The following MLLT10 variants were observed in gnomAD, a reference collection of about 807,000 sequenced individuals.
MLLT10 encodes protein AF-10.
In MLLT10, 30 loss-of-function variants were observed where a neutral mutation model predicts 129.1. That is an observed-to-expected ratio of 0.23 (90% CI 0.17 to 0.32). MLLT10 has a LOEUF of 0.32. Among genes scored for constraint, MLLT10 ranks in the 10% least tolerant of loss-of-function variants. The pLI is 1.00. For missense variants in MLLT10, 1,119 were observed against 1,268.3 expected (o/e 0.88, Z 1.79); for synonymous variants, 490 against 446.4 (o/e 1.10, Z -1.23).
At position 21,742,191 on chromosome 10, in the gene MLLT10, C is replaced by T; in HGVS notation, c.*208C>T. 2 of 440,140 alleles carry T rather than the reference C, an allele frequency of 4.5e-6. No homozygotes were observed. Among genetic ancestry groups the T allele is most frequent in the African/African-American group, 2.0e-5 (1 of 49,732 alleles). 27.3% of individuals were successfully genotyped at this position (440,140 alleles called of 1,614,324 possible). ...CTGAAATGGAATTCCCATGCCCCTA[C>T]CCCTTACCCCAGTTTTTTGAACATG... is the stretch of plus-strand genomic sequence containing the variant. On this transcript the variant is annotated 3_prime_UTR_variant, in exon 23 of 23. Transcript: ENST00000307729.
At chr10:21,592,354 C>T (rs1384490933) in intron 4 of MLLT10, among the ~76,000 whole-genome samples, 1 of 151,838 alleles carries the variant, frequency 6.6e-6, no homozygotes, top group Non-Finnish European at 1.5e-5. Context: ...AAAATGTTTT[C>T]TGGCTTTATT....
rs557883699 is a variant in MLLT10, at chr10:21,642,935, G to A, written c.700-8738G>A. 1.1e-4 allele frequency among the ~76,000 whole-genome samples: 16 copies of A among 152,292 alleles called. No individual in the cohort carries two copies. In the South Asian group the frequency reaches 2.9e-3, roughly 28 times the overall value. On this transcript the variant is annotated intron_variant, in intron 8 of 22. Transcript: ENST00000307729. Reference sequence around the variant, plus strand: ...GACTTATGTTTTGTTTTAATTACATGTGTCAGATTTTATATTGAGCTCCTA... The same window carrying A: ...GACTTATGTTTTGTTTTAATTACATATGTCAGATTTTATATTGAGCTCCTA...
At chr10:21,726,043 G>A (rs1241768910) in intron 14 of MLLT10, among the ~76,000 whole-genome samples, 2 of 152,006 alleles carry the variant, frequency 1.3e-5, no homozygotes, top group Admixed American at 6.6e-5. Context: ...GAGCCACCGC[G>A]CCCGGCCTAG....
At chr10:21,735,384 A>T (rs2058279210) in intron 21 of MLLT10, 149 bp downstream of exon 21, 1 of 649,730 alleles carries the variant, frequency 1.5e-6, no homozygotes, top group African/African-American at 1.8e-5. Context: ...AGGCTGTGAT[A>T]CCTGCAGTGA....
intron 11 of MLLT10, among the ~76,000 whole-genome samples, chr10:21,674,889 A>G (rs1425180981): frequency 6.6e-6 from 1 of 152,206 alleles, no homozygotes; most frequent in East Asian, 1.9e-4. Flanking sequence ...AATTTAATGA[A>G]GAATGTTCAT....
chr10:21,676,146 G>A (rs1030830490), intron 11 of MLLT10, among the ~76,000 whole-genome samples: 1 of 152,070 alleles, frequency 6.6e-6, no homozygotes, highest in South Asian at 2.1e-4. Flanking sequence ...TTACTCTGGG[G>A]CGGCCGCACA....
intron 8 of MLLT10, among the ~76,000 whole-genome samples, chr10:21,627,763 A>G: frequency 6.6e-6 from 1 of 152,194 alleles, no homozygotes; most frequent in South Asian, 2.1e-4. Context: ...GGAAATTTTT[A>G]AAACCAGCAA....
chr10:21,710,790 T>C (rs1480496579), intron 13 of MLLT10, among the ~76,000 whole-genome samples: 1 of 152,222 alleles, frequency 6.6e-6, no homozygotes, highest in East Asian at 1.9e-4. Context: ...TTACTTTATT[T>C]CTTTAAAGTT....
intron 3 of MLLT10, among the ~76,000 whole-genome samples, chr10:21,578,537 C>G (rs1406161886): frequency 6.6e-6 from 1 of 151,996 alleles, no homozygotes; most frequent in East Asian, 1.9e-4. Context: ...GTTGTTTAAC[C>G]GAGTCCTAAA....
At chr10:21,557,324 T>C (rs2038166052) in intron 3 of MLLT10, 1 of 369,744 alleles carries the variant, frequency 2.7e-6, no homozygotes, top group African/African-American at 2.2e-5. Flanking sequence ...CTTCAGTGAC[T>C]CTTAACATAA....
intron 3 of MLLT10, chr10:21,541,146 C>G (rs868808930): frequency 6.6e-6 from 1 of 151,934 alleles, no homozygotes; most frequent in Non-Finnish European, 1.5e-5. Flanking sequence ...GGCGACAGAG[C>G]GAGACTCGTC....
intron 8 of MLLT10, among the ~76,000 whole-genome samples, chr10:21,629,299 TTTTA>T (rs1318982632): frequency 1.3e-5 from 2 of 152,120 alleles, no homozygotes; most frequent in Non-Finnish European, 2.9e-5. Flanking sequence ...TTATTTGTCT[TTTTA>T]TTTGTTTTAT....
chr10:21,602,814 C>T (rs2043679042), intron 5 of MLLT10, among the ~76,000 whole-genome samples: 1 of 151,990 alleles, frequency 6.6e-6, no homozygotes, highest in Middle Eastern at 3.4e-3. Flanking sequence ...CTGCAAGCTC[C>T]ACCTCCCAGG....
chr10:21,735,116 T>G (rs769829889), intron 20 of MLLT10, 23 bp from the exon 21 acceptor site: 1 of 1,577,902 alleles, frequency 6.3e-7, no homozygotes, highest in Non-Finnish European at 8.7e-7. Flanking sequence ...TAGTAAAAAG[T>G]AAGAATTGTA....
chr10:21,732,615 T>G (rs1666134773), intron 17 of MLLT10, among the ~76,000 whole-genome samples: 2 of 152,228 alleles, frequency 1.3e-5, no homozygotes, highest in Admixed American at 6.5e-5. Flanking sequence ...TCATTGAGAA[T>G]GGAAAATTAC....
intron 3 of MLLT10, among the ~76,000 whole-genome samples, chr10:21,548,932 G>A (rs1321368288): frequency 1.3e-5 from 2 of 152,048 alleles, no homozygotes; most frequent in African/African-American, 4.8e-5. Context: ...GGTGATAGAT[G>A]TCTTTATATA....
chr10:21,718,802 A>G (rs906838125), intron 14 of MLLT10, among the ~76,000 whole-genome samples: 11 of 152,160 alleles, frequency 7.2e-5, no homozygotes, highest in African/African-American at 2.7e-4. Flanking sequence ...GCTCACTGCA[A>G]ACTCTGCCCC....
rs574240239 is a variant in MLLT10, at chr10:21,576,388, A to G, written c.241-9906A>G. On this transcript the variant is annotated intron_variant, in intron 3 of 22. Transcript: ENST00000307729. ...CTCCCGAGTAGCTGGGACTACAGGC[A>G]CCCGCCACCACGCCCGGCTAATTTT... 1.1e-4 allele frequency among the ~76,000 whole-genome samples: 16 copies of G among 150,694 alleles called. No individual in the cohort carries two copies. In the East Asian group the frequency reaches 2.0e-3, roughly 19 times the overall value.
chr10:21,561,995 G>C (rs1413787017), intron 3 of MLLT10, among the ~76,000 whole-genome samples: 1 of 151,854 alleles, frequency 6.6e-6, no homozygotes, highest in Non-Finnish European at 1.5e-5. Flanking sequence ...TAGTAGAGAC[G>C]GGGTTTCTCC....
Sources: allele counts gnomAD v4.1 joint callset (sites outside exome capture counted in the v4.1 genomes callset), GRCh38; gene constraint gnomAD v4.1.1; transcripts MANE v1.5; gene names NCBI Gene and HGNC (gene_info 2026-07-23, HGNC 2026-07-21).